The following NDRG3 variants were observed in gnomAD, a reference collection of about 807,000 sequenced individuals.
The protein encoded by NDRG3 is protein NDRG3.
Under a neutral mutation model 57.2 loss-of-function variants are expected in NDRG3, and 23 were observed. The observed-to-expected ratio is 0.40, with a 90% CI of 0.29 to 0.57. NDRG3 has a LOEUF of 0.57. NDRG3 is among the 20% of genes least tolerant of loss of function. The pLI, the probability that NDRG3 is intolerant of heterozygous loss-of-function variation, is 0.42. For synonymous variants in NDRG3, 132 were observed against 162.6 expected, an observed-to-expected ratio of 0.81 and a Z score of 1.43; for missense variants, 384 against 457.3, an observed-to-expected ratio of 0.84 and a Z score of 1.46.
chr20:36,734,883 C>T (rs1331898906), intron 1 of NDRG3, among the ~76,000 whole-genome samples: 3 of 152,016 alleles, frequency 2.0e-5, no homozygotes, highest in Non-Finnish European at 2.9e-5. Flanking sequence ...AGGGCATAAT[C>T]GAGTCACTGC....
chr20:36,741,793 G>A (rs1464125748), intron 1 of NDRG3, among the ~76,000 whole-genome samples: 2 of 152,150 alleles, frequency 1.3e-5, no homozygotes, highest in Non-Finnish European at 2.9e-5. Context: ...TGTTAGAACT[G>A]CAAATTCTCG....
Position 36,680,913 on chromosome 20 carries a change from A to G in NDRG3, c.445-11T>C. On this transcript the variant is annotated splice_polypyrimidine_tract_variant and intron_variant, in intron 7 of 15. Coordinates refer to ENST00000349004, the MANE Select transcript of NDRG3 (RefSeq NM_032013.4). ...CTCTGGATGGTTGAGCTGAAAGATG[A>G]GGCAAAGACAATAGTATGAAAGCTA... The G allele has an allele frequency of 6.2e-7, 1 of 1,610,794 alleles. No homozygotes were observed. Among genetic ancestry groups the G allele is most frequent in the South Asian group, 1.1e-5 (1 of 90,988 alleles).
At chr20:36,694,537 G>C (rs757479324) in intron 3 of NDRG3, among the ~76,000 whole-genome samples, 1 of 152,028 alleles carries the variant, frequency 6.6e-6, no homozygotes, top group Non-Finnish European at 1.5e-5. Flanking sequence ...AATTACTCTG[G>C]TGTGGTGTCT....
chr20:36,677,573 C>T (rs760278343), intron 8 of NDRG3, among the ~76,000 whole-genome samples: 13 of 152,192 alleles, frequency 8.5e-5, no homozygotes, highest in African/African-American at 1.4e-4. Context: ...CTCCACTGAG[C>T]GCTTCAGGGA....
At chr20:36,664,211 A>C (rs2148038116) in intron 12 of NDRG3, among the ~76,000 whole-genome samples, 1 of 152,332 alleles carries the variant, frequency 6.6e-6, no homozygotes, top group Admixed American at 6.5e-5. Flanking sequence ...AAATGCTATC[A>C]GTAGTGTTAA....
At chr20:36,688,647 TA>T in intron 4 of NDRG3, 31 bp downstream of exon 4, 1 of 1,439,962 alleles carries the variant, frequency 6.9e-7, no homozygotes, top group Non-Finnish European at 9.8e-7. Context: ...TCAAGTATGA[TA>T]AGAAGGGAAG....
intron 8 of NDRG3, among the ~76,000 whole-genome samples, chr20:36,678,588 G>A (rs1328882807): frequency 6.6e-6 from 1 of 152,226 alleles, no homozygotes; most frequent in Non-Finnish European, 1.5e-5. Context: ...GGCTGAGGCT[G>A]AGAGTTGCTT....
chr20:36,654,808 G>A (rs763219092), intron 15 of NDRG3: 13 of 779,774 alleles, frequency 1.7e-5, no homozygotes, highest in South Asian at 2.7e-5. Flanking sequence ...TACCTGACTC[G>A]GTGCTCAGGT....
At chr20:36,675,968 C>T (rs1600877556) in intron 8 of NDRG3, among the ~76,000 whole-genome samples, 1 of 152,008 alleles carries the variant, frequency 6.6e-6, no homozygotes, top group Admixed American at 6.6e-5. Flanking sequence ...CGGCTGGGCG[C>T]GGTGGCTCAC....
chr20:36,705,583 G>A (rs1292272790), intron 3 of NDRG3, among the ~76,000 whole-genome samples: 1 of 152,074 alleles, frequency 6.6e-6, no homozygotes, highest in Non-Finnish European at 1.5e-5. Context: ...AAGCAAGGAC[G>A]TTGCCAGCAC....
At chr20:36,681,971 C>G (rs1981342001) in intron 7 of NDRG3, among the ~76,000 whole-genome samples, 1 of 152,104 alleles carries the variant, frequency 6.6e-6, no homozygotes. Flanking sequence ...GTGCTAGGAT[C>G]ACAGGCGTGA....
At chr20:36,709,181 T>C (rs1011063030) in intron 2 of NDRG3, among the ~76,000 whole-genome samples, 4 of 152,184 alleles carry the variant, frequency 2.6e-5, no homozygotes, top group Non-Finnish European at 5.9e-5. Context: ...ATATGTACAA[T>C]TTAAGTTTAA....
intron 3 of NDRG3, among the ~76,000 whole-genome samples, chr20:36,697,986 G>A (rs1325336278): frequency 1.7e-5 from 2 of 117,836 alleles, no homozygotes; most frequent in Non-Finnish European, 3.4e-5. Context: ...TTTTTTTTGA[G>A]ACAGAGTCTT....
At chr20:36,698,546 A>C (rs966883778) in intron 3 of NDRG3, among the ~76,000 whole-genome samples, 1 of 151,968 alleles carries the variant, frequency 6.6e-6, no homozygotes, top group Non-Finnish European at 1.5e-5. Context: ...ACTGCACTCC[A>C]GCCTGGGTGA....
At chr20:36,688,382 A>C (rs1343638368) in intron 4 of NDRG3, among the ~76,000 whole-genome samples, 2 of 152,200 alleles carry the variant, frequency 1.3e-5, no homozygotes, top group Non-Finnish European at 2.9e-5. Flanking sequence ...TTTAAAAAAA[A>C]AAAACAGAGT....
At chr20:36,655,953 G>A (rs1429344449) in intron 15 of NDRG3, among the ~76,000 whole-genome samples, 1 of 152,038 alleles carries the variant, frequency 6.6e-6, no homozygotes, top group Non-Finnish European at 1.5e-5. Flanking sequence ...GGCCAACATG[G>A]TGAATCTCCG....
At chr20:36,745,977 C>A in intron 1 of NDRG3, 68 bp downstream of exon 1, 1 of 301,832 alleles carries the variant, frequency 3.3e-6, no homozygotes, top group Non-Finnish European at 6.2e-6. Context: ...AGGAGCAGGG[C>A]AAAGGAGCGA....
chr20:36,744,977 G>GC (rs1184941421), intron 1 of NDRG3, among the ~76,000 whole-genome samples: 3 of 151,026 alleles, frequency 2.0e-5, no homozygotes, highest in African/African-American at 7.3e-5. Flanking sequence ...AGGGGGGGGG[G>GC]GGGCGCGGCG....
chr20:36,656,288 G>GGGCTCCCAGATGTGAAACT, intron 15 of NDRG3, 72 bp downstream of exon 15: 1 of 1,451,702 alleles, frequency 6.9e-7, no homozygotes, highest in South Asian at 1.2e-5. Flanking sequence ...CAAGAATTGT[G>GGGCTCCCAGATGTGAAACT]GGCTCCCAGA....
Sources: gnomAD v4.1 joint callset for allele counts (sites outside exome capture counted in the v4.1 genomes callset) on GRCh38, gnomAD v4.1.1 for gene constraint, MANE v1.5 for transcripts, NCBI Gene and HGNC (gene_info 2026-07-23, HGNC 2026-07-21) for gene names.